DPH1: variants seen among roughly 807,000 people sequenced by gnomAD.
DPH1 encodes the protein diphthamide biosynthesis 1.
Under a neutral mutation model 55.3 loss-of-function variants are expected in DPH1, and 59 were observed. That is an observed-to-expected ratio of 1.07 (90% CI 0.87 to 1.33). The LOEUF is 1.33. Among genes scored for constraint, DPH1 ranks in the 40% most tolerant of loss-of-function variants. DPH1 has a pLI of 0.00. For missense variants in DPH1, 628 were observed against 584.8 expected (o/e 1.07, Z -0.76); for synonymous variants, 238 against 235.5 (o/e 1.01, Z -0.10).
rs1290751862 is a variant in DPH1 at position 2,042,663 on chromosome 17, C to T, written c.*77C>T. 5.2e-6 allele frequency: 8 copies of T among 1,524,424 alleles called. No homozygotes were observed. The highest frequency in any genetic ancestry group is 2.3e-5 in the East Asian group (1 of 44,226). The allele number at this position is 1,524,424 out of a possible 1,614,324, so 94.4% of individuals were successfully genotyped here. On this transcript the variant is annotated 3_prime_UTR_variant, in exon 13 of 13. Coordinates refer to ENST00000263083, the MANE Select transcript of DPH1 (RefSeq NM_001383.6). ...GGTGGTTTTCAGAGCAGGAGGCCGACGTTTTCTCCGCATTGGAAGAGCCCG... is the reference window on the plus strand; with the variant it reads ...GGTGGTTTTCAGAGCAGGAGGCCGATGTTTTCTCCGCATTGGAAGAGCCCG...
At position 2,041,864 on chromosome 17, in the gene DPH1, C is replaced by T. The variant is rs980846499; in HGVS notation, c.*7C>T. 6.3e-7 allele frequency: 1 copy of T among 1,586,692 alleles called. No individual in the cohort carries two copies. ...GGCGCCGCTGGCTCCTTGACGCGCT[C>T]CCGGGCCTCAGGTATCAGCCCCCGC... On this transcript the variant is annotated 3_prime_UTR_variant, in exon 12 of 13. Coordinates refer to ENST00000263083, the MANE Select transcript of DPH1 (RefSeq NM_001383.6).
In DPH1 at chr17:2,036,089, T is replaced by C. The variant is rs1260250895; in HGVS notation, c.398T>C (p.Leu133Pro). 3.7e-6 allele frequency: 6 copies of C among 1,613,674 alleles called. No homozygotes were observed. Among genetic ancestry groups the C allele is most frequent in the Admixed American group, 1.7e-5 (1 of 59,972 alleles). Residue 133 changes from leucine (L) to proline (P), a missense_variant and splice_region_variant, in exon 4 of 13, where the codon CTG becomes CCG. Coordinates refer to ENST00000263083, the MANE Select transcript of DPH1 (RefSeq NM_001383.6). The surrounding 1 kb of genome is among the most constrained non-coding windows in gnomAD (Gnocchi z 4.8). Reference sequence around the variant, plus strand: ...TTGGTGCACTACGGCCACAGTTGCCTGAGTATGGTGGGGCCAGGACACCTG... The same window carrying C: ...TTGGTGCACTACGGCCACAGTTGCCCGAGTATGGTGGGGCCAGGACACCTG... ...DFLVHYGHSC[L>P]IPMDTSAQDF...
intron 1 of DPH1, among the ~76,000 whole-genome samples, chr17:2,032,493 C>T (rs544248206): frequency 1.2e-4 from 18 of 152,290 alleles, no homozygotes; most frequent in South Asian, 2.1e-4. Context: ...TCAGTGAGAA[C>T]GAAAGCTGGG....
chr17:2,039,725 C>T (rs2067483789), intron 6 of DPH1, 30 bp from the exon 7 acceptor site: 6 of 1,614,008 alleles, frequency 3.7e-6, no homozygotes, highest in South Asian at 1.1e-5. Context: ...CTGCCCTAAA[C>T]CACACTTAGC....
chr17:2,042,084 G>A, intron 12 of DPH1: 1 of 1,566,116 alleles, frequency 6.4e-7, no homozygotes, highest in South Asian at 1.1e-5. Flanking sequence ...CCTGTGCCTG[G>A]CGGGCTTCCG....
At chr17:2,035,403 G>A (rs1325345582) in intron 3 of DPH1, among the ~76,000 whole-genome samples, 2 of 140,488 alleles carry the variant, frequency 1.4e-5, no homozygotes, top group African/African-American at 2.7e-5. Flanking sequence ...CCCTGCCTGC[G>A]GTGGGGAGGT....
chr17:2,043,169 C>T lies in DPH1; in HGVS notation c.*583C>T, dbSNP rs548384013. 9.8e-6 allele frequency: 15 copies of T among 1,536,880 alleles called. No individual in the cohort carries two copies. The Admixed American group carries it at 1.1e-4, about 11-fold the overall frequency. Reference sequence around the variant, plus strand: ...TAGGGGCAGCCTCCGTCATCCATGCCCTCCCAGGACCCTCCACTCACTGCT... The same window carrying T: ...TAGGGGCAGCCTCCGTCATCCATGCTCTCCCAGGACCCTCCACTCACTGCT... On this transcript the variant is annotated 3_prime_UTR_variant, in exon 13 of 13. Transcript: ENST00000263083.
chr17:2,042,944 T>C lies in DPH1; in HGVS notation c.*358T>C, dbSNP rs2067571888. 5 of 1,614,182 alleles carry C rather than the reference T, an allele frequency of 3.1e-6. No homozygotes were observed. Among genetic ancestry groups the C allele is most frequent in the Non-Finnish European group, 2.5e-6 (3 of 1,180,036 alleles). ...TTGTCATTGCCTTCGCTCCATGTTT[T>C]TGGGGACACTGACAAAGTCATCCCC... On this transcript the variant is annotated 3_prime_UTR_variant, in exon 13 of 13. Coordinates refer to ENST00000263083, the MANE Select transcript of DPH1 (RefSeq NM_001383.6).
chr17:2,042,393 G>A, intron 12 of DPH1: 1 of 1,278,806 alleles, frequency 7.8e-7, no homozygotes. Context: ...TCAAACTGCA[G>A]CCTGTCCTCC....
Position 2,043,058 on chromosome 17 carries a change from C to T in DPH1, c.*472C>T. On this transcript the variant is annotated 3_prime_UTR_variant, in exon 13 of 13. Coordinates refer to ENST00000263083, the MANE Select transcript of DPH1 (RefSeq NM_001383.6). ...GGCCACTTCATTCCAGCAGCTGCAC[C>T]CCAGCGTCAGGCCTACCTCAAGTTC... 1 of 1,613,996 alleles carries T rather than the reference C, an allele frequency of 6.2e-7. No homozygotes were observed. Among genetic ancestry groups the T allele is most frequent in the Non-Finnish European group, 8.5e-7 (1 of 1,180,030 alleles).
At chr17:2,035,496 A>AGGTAGT (rs547267199) in intron 3 of DPH1, among the ~76,000 whole-genome samples, 1,187 of 45,100 alleles carry the variant, frequency 0.026, 4 homozygotes, top group African/African-American at 0.066. Context: ...TGTGGTGGGG[A>AGGTAGT]GGGGGTGGGG....
chr17:2,042,338 A>C (rs1597291054), intron 12 of DPH1: 18 of 1,339,538 alleles, frequency 1.3e-5, no homozygotes, highest in Admixed American at 7.3e-5. Context: ...CATTCCTCCC[A>C]CCCAGTCCAC....
rs142800357 is a variant in DPH1 at position 2,040,265 on chromosome 17, A to G, written c.797A>G (p.Gln266Arg). Residue 266 changes from glutamine to arginine, a missense_variant, in exon 8 of 13, where the codon CAG becomes CGG. Physicochemically the swap from Gln to Arg is conservative, Grantham distance 43 (BLOSUM62 1). Transcript: ENST00000263083. The stretch of plus-strand genomic sequence containing the variant: ...CTATCCAGAGAACACTATGACCACC[A>G]GCGCATGCAGGCTGCTCGCCAAGAA... ...KVLSREHYDH[Q>R]RMQAARQEAI... is the part of the protein sequence containing the mutation. 3.7e-6 allele frequency: 6 copies of G among 1,614,054 alleles called. No individual in the cohort carries two copies. Among genetic ancestry groups the G allele is most frequent in the Non-Finnish European group, 5.1e-6 (6 of 1,180,038 alleles).
Position 2,042,639 on chromosome 17 carries a change from G to T in DPH1, c.*53G>T, listed in dbSNP as rs779777575. On this transcript the variant is annotated 3_prime_UTR_variant, in exon 13 of 13. Coordinates refer to ENST00000263083, the MANE Select transcript of DPH1 (RefSeq NM_001383.6). ...CTCCGGAGGAGCAGCCTCGAGGCTG[G>T]TGGTTTTCAGAGCAGGAGGCCGACG... The T allele has an allele frequency of 2.0e-6, 3 of 1,521,016 alleles. No individual in the cohort carries two copies. Among genetic ancestry groups the T allele is most frequent in the South Asian group, 2.7e-5 (2 of 74,822 alleles). The allele number at this position is 1,521,016 out of a possible 1,614,324, so 94.2% of individuals were successfully genotyped here. A position where few individuals can be genotyped will look rare whatever the true frequency, so the allele number is the denominator to read the frequency against.
At chr17:2,042,347 A>G in intron 12 of DPH1, 1 of 1,349,610 alleles carries the variant, frequency 7.4e-7, no homozygotes, top group Non-Finnish European at 9.6e-7. Context: ...CACCCAGTCC[A>G]CACCCTTCAT....
At chr17:2,041,651 G>C (rs748340080) in intron 11 of DPH1, 30 bp downstream of exon 11, 1 of 1,592,354 alleles carries the variant, frequency 6.3e-7, no homozygotes, top group African/African-American at 1.3e-5. Flanking sequence ...AGGGAGGAGA[G>C]ACCGCGCCTG....
chr17:2,034,976 T>G (rs2067391042), intron 3 of DPH1: 1 of 150,378 alleles, frequency 6.6e-6, no homozygotes, highest in Non-Finnish European at 1.5e-5. Flanking sequence ...TATAAAAAAT[T>G]AAGTGCTGTG....
rs979165634 is a variant in DPH1 at position 2,042,220 on chromosome 17, G to A, written c.*18+345G>A. ...GACCCCCCGGGCCCCGAGGGCGCCA[G>A]ATCAGACTTCGGTGAGACAAGCCCC... is the stretch of plus-strand genomic sequence containing the variant. On this transcript the variant is annotated intron_variant, in intron 12 of 12. Coordinates refer to ENST00000263083, the MANE Select transcript of DPH1 (RefSeq NM_001383.6). The A allele has an allele frequency of 4.2e-6, 6 of 1,427,774 alleles. No individual in the cohort carries two copies. Among genetic ancestry groups the A allele is most frequent in the Non-Finnish European group, 5.5e-6 (6 of 1,098,418 alleles). 88.4% of individuals were successfully genotyped at this position (1,427,774 alleles called of 1,614,324 possible).
intron 3 of DPH1, among the ~76,000 whole-genome samples, chr17:2,035,254 C>T (rs902712641): frequency 2.0e-5 from 3 of 152,152 alleles, no homozygotes; most frequent in Admixed American, 2.0e-4. Context: ...ACCCCCTCCC[C>T]CAGTGATTCA....
Sources: allele counts gnomAD v4.1 joint callset (sites outside exome capture counted in the v4.1 genomes callset), GRCh38; gene constraint gnomAD v4.1.1; non-coding constraint Gnocchi (gnomAD v3.1); transcripts MANE v1.5; gene names NCBI Gene and HGNC (gene_info 2026-07-23, HGNC 2026-07-21).